ROBO1: variants seen among roughly 807,000 people sequenced by gnomAD.
ROBO1 encodes roundabout homolog 1.
A neutral mutation model predicts 195.9 loss-of-function variants in ROBO1; 149 were observed. That is an observed-to-expected ratio of 0.76 (90% confidence interval 0.67 to 0.87). The LOEUF is 0.87. Ranked by LOEUF, ROBO1 falls within the 40% of genes least tolerant of loss-of-function variation. The pLI, the probability that ROBO1 is intolerant of heterozygous loss-of-function variation, is 0.00. For synonymous variants in ROBO1, 816 were observed against 733.2 expected (o/e 1.11, Z -1.82); for missense variants, 1,933 against 2,068.3 (o/e 0.93, Z 1.27).
At chr3:79,530,447 T>C (rs1252049660) in intron 2 of ROBO1, among the ~76,000 whole-genome samples, 1 of 152,186 alleles carries the variant, frequency 6.6e-6, no homozygotes, top group East Asian at 1.9e-4. Flanking sequence ...AAACTCAAGA[T>C]CTGTCAAAAT....
intron 1 of ROBO1, among the ~76,000 whole-genome samples, chr3:79,662,988 A>T (rs1946375678): frequency 6.6e-6 from 1 of 152,072 alleles, no homozygotes; most frequent in Non-Finnish European, 1.5e-5. Context: ...ACTGCTAGGC[A>T]CACACAAAGA....
At chr3:78,886,970 G>C (rs920195424) in intron 4 of ROBO1, among the ~76,000 whole-genome samples, 1 of 151,902 alleles carries the variant, frequency 6.6e-6, no homozygotes, top group Non-Finnish European at 1.5e-5. Flanking sequence ...GTTAATAACT[G>C]TTTAGCTATA....
At chr3:78,618,869 A>T (rs554984613) in intron 26 of ROBO1, among the ~76,000 whole-genome samples, 36 of 152,346 alleles carry the variant, frequency 2.4e-4, no homozygotes, top group African/African-American at 8.2e-4. Flanking sequence ...AGACATGAAG[A>T]ATAACAACAG....
chr3:79,056,678 G>C (rs2078815486), intron 3 of ROBO1, among the ~76,000 whole-genome samples: 1 of 151,996 alleles, frequency 6.6e-6, no homozygotes, highest in Admixed American at 6.6e-5. Flanking sequence ...CCAGAGCTTT[G>C]AACCCTGAGG....
chr3:79,221,677 T>C (rs1227848858), intron 2 of ROBO1, among the ~76,000 whole-genome samples: 2 of 152,118 alleles, frequency 1.3e-5, no homozygotes, highest in East Asian at 1.9e-4. Flanking sequence ...AGGCAGTACA[T>C]ACAAGTTTAT....
At chr3:79,763,128 G>A (rs1704801067) in intron 1 of ROBO1, among the ~76,000 whole-genome samples, 1 of 152,242 alleles carries the variant, frequency 6.6e-6, no homozygotes, top group East Asian at 1.9e-4. Context: ...GATGAAATTA[G>A]ATCTTTGGAA....
intron 2 of ROBO1, among the ~76,000 whole-genome samples, chr3:79,502,371 C>A (rs1940128987): frequency 6.6e-6 from 1 of 152,158 alleles, no homozygotes; most frequent in African/African-American, 2.4e-5. Context: ...CCCCGCCGCC[C>A]GGGCAGTGAG....
intron 2 of ROBO1, among the ~76,000 whole-genome samples, chr3:79,533,303 T>C (rs962627281): frequency 2.6e-5 from 4 of 152,218 alleles, no homozygotes; most frequent in Admixed American, 2.0e-4. Flanking sequence ...TGATTTACTA[T>C]GTAAAATTAT....
intron 19 of ROBO1, among the ~76,000 whole-genome samples, chr3:78,648,706 A>G (rs1706455403): frequency 6.6e-6 from 1 of 151,984 alleles, no homozygotes; most frequent in East Asian, 1.9e-4. Context: ...GCAAGGAAAT[A>G]TATGTTATTC....
chr3:79,651,964 G>A (rs931194220), intron 1 of ROBO1, among the ~76,000 whole-genome samples: 8 of 152,068 alleles, frequency 5.3e-5, no homozygotes, highest in Admixed American at 2.0e-4. Flanking sequence ...CCGTTGCAAT[G>A]CCAAATATTT....
intron 4 of ROBO1, among the ~76,000 whole-genome samples, chr3:78,757,093 T>C (rs1298747202): frequency 1.3e-5 from 2 of 152,166 alleles, no homozygotes; most frequent in African/African-American, 2.4e-5. Flanking sequence ...GGTTTCGCAA[T>C]GTTGGCCAGG....
intron 2 of ROBO1, among the ~76,000 whole-genome samples, chr3:79,471,895 T>C (rs1159179726): frequency 1.4e-5 from 2 of 139,128 alleles, no homozygotes; most frequent in South Asian, 4.4e-4. Flanking sequence ...TGAGAACATA[T>C]GGACATATGG....
intron 3 of ROBO1, among the ~76,000 whole-genome samples, chr3:78,970,251 T>C (rs1207964982): frequency 2.0e-5 from 3 of 152,190 alleles, no homozygotes; most frequent in African/African-American, 7.2e-5. Context: ...GATAATAATA[T>C]TTACTTCACA....
intron 2 of ROBO1, among the ~76,000 whole-genome samples, chr3:79,220,017 A>G (rs756619912): frequency 2.0e-5 from 3 of 152,098 alleles, no homozygotes; most frequent in Non-Finnish European, 4.4e-5. Context: ...AAGAATAGAA[A>G]TGATGCAACA....
At chr3:79,312,648 C>A (rs938296753) in intron 2 of ROBO1, among the ~76,000 whole-genome samples, 1 of 152,138 alleles carries the variant, frequency 6.6e-6, no homozygotes, top group Non-Finnish European at 1.5e-5. Flanking sequence ...GTCTTCAGGC[C>A]TCTCTGAACT....
chr3:79,502,267 G>A (rs9817158), intron 2 of ROBO1, among the ~76,000 whole-genome samples: 46,782 of 152,088 alleles, frequency 0.31, 7,440 homozygotes, highest in Non-Finnish European at 0.35. Flanking sequence ...GGAGATGCGC[G>A]GGCGGGAACC....
intron 4 of ROBO1, among the ~76,000 whole-genome samples, chr3:78,797,661 G>C (rs182095631): frequency 6.6e-6 from 1 of 152,142 alleles, no homozygotes; most frequent in South Asian, 2.1e-4. Context: ...TCGGGGATGG[G>C]TGTGGTACTG....
At chr3:78,878,692 A>C (rs528923352) in intron 4 of ROBO1, among the ~76,000 whole-genome samples, 3 of 152,054 alleles carry the variant, frequency 2.0e-5, no homozygotes, top group African/African-American at 4.8e-5. Flanking sequence ...TCAATCATAA[A>C]AAAGTTAACA....
intron 2 of ROBO1, among the ~76,000 whole-genome samples, chr3:79,515,310 C>G (rs1401370371): frequency 1.3e-5 from 2 of 152,180 alleles, no homozygotes; most frequent in African/African-American, 4.8e-5. Context: ...GTGTTGCCTG[C>G]ACATGGCAGA....
Sources: allele counts gnomAD v4.1 joint callset (sites outside exome capture counted in the v4.1 genomes callset), GRCh38; gene constraint gnomAD v4.1.1; transcripts MANE v1.5; gene names NCBI Gene and HGNC (gene_info 2026-07-23, HGNC 2026-07-21).